RGS7: variants seen among roughly 807,000 people sequenced by gnomAD.
RGS7 encodes the protein regulator of G-protein signaling 7.
RGS7 carries 27 observed loss-of-function variants against 81.1 expected under a neutral mutation model. The observed-to-expected ratio is 0.33, with a 90% confidence interval of 0.25 to 0.46. RGS7 has a LOEUF of 0.46. Among genes scored for constraint, RGS7 ranks in the 20% least tolerant of loss-of-function variants. The pLI, the probability that RGS7 is intolerant of heterozygous loss-of-function variation, is 1.00. For synonymous variants in RGS7, 208 were observed against 207.7 expected, an observed-to-expected ratio of 1.00 and a Z score of -0.01; for missense variants, 396 against 607.4, an observed-to-expected ratio of 0.65 and a Z score of 3.66.
intron 2 of RGS7, among the ~76,000 whole-genome samples, chr1:241,145,102 C>T (rs1420680147): frequency 6.6e-6 from 1 of 151,690 alleles, no homozygotes; most frequent in African/African-American, 2.4e-5. Context: ...CTTCCACTTC[C>T]GCCTCCTCAG....
intron 2 of RGS7, among the ~76,000 whole-genome samples, chr1:241,107,533 G>A (rs968598481): frequency 6.6e-6 from 1 of 152,106 alleles, no homozygotes; most frequent in Non-Finnish European, 1.5e-5. Context: ...TCAAACTCCT[G>A]TAACATAATC....
intron 3 of RGS7, among the ~76,000 whole-genome samples, chr1:241,021,271 G>A (rs896411431): frequency 6.6e-6 from 1 of 152,062 alleles, no homozygotes; most frequent in Admixed American, 6.6e-5. Context: ...CTTATTCAGT[G>A]CATATGCAAG....
At chr1:241,005,343 C>T (rs2058630446) in intron 3 of RGS7, among the ~76,000 whole-genome samples, 1 of 152,128 alleles carries the variant, frequency 6.6e-6, no homozygotes. Flanking sequence ...CAAATGTATG[C>T]ACCACGTCGA....
chr1:241,192,447 T>G (rs1013658397), intron 2 of RGS7, among the ~76,000 whole-genome samples: 4 of 152,068 alleles, frequency 2.6e-5, no homozygotes, highest in African/African-American at 9.7e-5. Context: ...CTTTTCAGAG[T>G]CCTTTATGTA....
chr1:240,949,635 G>A (rs1052284298), intron 4 of RGS7, among the ~76,000 whole-genome samples: 1 of 152,044 alleles, frequency 6.6e-6, no homozygotes, highest in Non-Finnish European at 1.5e-5. Flanking sequence ...ATCACCCGAG[G>A]TCAGGAGTTT....
chr1:240,833,045 C>T (rs1375605212), intron 9 of RGS7, among the ~76,000 whole-genome samples: 3 of 151,062 alleles, frequency 2.0e-5, no homozygotes, highest in African/African-American at 7.3e-5. Context: ...AAGAAATTAA[C>T]AACAATAACT....
chr1:240,969,168 T>C (rs1322943325), intron 4 of RGS7, among the ~76,000 whole-genome samples: 1 of 152,256 alleles, frequency 6.6e-6, no homozygotes, highest in Non-Finnish European at 1.5e-5. Flanking sequence ...TTTTCTTTTC[T>C]TTTCTTTTCG....
intron 1 of RGS7, among the ~76,000 whole-genome samples, chr1:241,356,444 G>A (rs1370377288): frequency 1.3e-5 from 2 of 152,130 alleles, no homozygotes; most frequent in East Asian, 1.9e-4. Context: ...TCCCCACTTC[G>A]CTTCGGAAGT....
intron 2 of RGS7, among the ~76,000 whole-genome samples, chr1:241,173,750 T>C (rs920536981): frequency 2.6e-5 from 4 of 152,216 alleles, no homozygotes; most frequent in Non-Finnish European, 4.4e-5. Flanking sequence ...CATTGTACTC[T>C]AGCCTGGGCA....
intron 2 of RGS7, among the ~76,000 whole-genome samples, chr1:241,201,738 A>G (rs758840528): frequency 4.0e-4 from 61 of 152,086 alleles, no homozygotes; most frequent in Admixed American, 2.1e-3. Flanking sequence ...TTGAATCTTC[A>G]CAGCAACTTT....
At chr1:240,998,690 G>T in intron 3 of RGS7, 2 of 1,152,646 alleles carry the variant, frequency 1.7e-6, no homozygotes, top group Non-Finnish European at 2.6e-6. Flanking sequence ...CATTTACACC[G>T]GCTGCTTTAA....
At chr1:240,780,227 A>G (rs1163917905) in intron 18 of RGS7, among the ~76,000 whole-genome samples, 1 of 151,998 alleles carries the variant, frequency 6.6e-6, no homozygotes, top group African/African-American at 2.4e-5. Context: ...CGGGTGGATC[A>G]CTTGAGGCCA....
At chr1:240,840,975 A>G (rs1657853945) in intron 9 of RGS7, among the ~76,000 whole-genome samples, 1 of 152,176 alleles carries the variant, frequency 6.6e-6, no homozygotes, top group Non-Finnish European at 1.5e-5. Flanking sequence ...TGTGCTTGAG[A>G]ATGTTGGTAC....
chr1:241,176,058 A>G (rs1170023326), intron 2 of RGS7, among the ~76,000 whole-genome samples: 1 of 152,220 alleles, frequency 6.6e-6, no homozygotes, highest in East Asian at 1.9e-4. Context: ...CCACCTTTCT[A>G]TGAGAGGAGG....
chr1:240,900,656 C>T (rs1003970061), intron 6 of RGS7, among the ~76,000 whole-genome samples: 7 of 152,154 alleles, frequency 4.6e-5, no homozygotes, highest in Non-Finnish European at 8.8e-5. Context: ...CCTCTGGAAG[C>T]TTCATCTCAG....
At chr1:240,841,984 A>G (rs1658099447) in intron 9 of RGS7, among the ~76,000 whole-genome samples, 1 of 152,156 alleles carries the variant, frequency 6.6e-6, no homozygotes, top group Non-Finnish European at 1.5e-5. Context: ...CTCTTCTTTC[A>G]GAGCGAGTGC....
chr1:241,285,029 C>T (rs536275306), intron 2 of RGS7, among the ~76,000 whole-genome samples: 15 of 152,182 alleles, frequency 9.9e-5, no homozygotes, highest in African/African-American at 3.4e-4. Flanking sequence ...CACCACAATG[C>T]CCAGCTAATT....
At chr1:240,895,907 G>A (rs1669014045) in intron 6 of RGS7, among the ~76,000 whole-genome samples, 1 of 152,216 alleles carries the variant, frequency 6.6e-6, no homozygotes, top group African/African-American at 2.4e-5. Flanking sequence ...CCCACCAACA[G>A]TGTAAAAGTG....
chr1:241,327,122 G>GAA (rs1197656382), intron 2 of RGS7, among the ~76,000 whole-genome samples: 1 of 110,172 alleles, frequency 9.1e-6, no homozygotes, highest in African/African-American at 3.5e-5. Context: ...AAGAAAGAAA[G>GAA]AAAGAAAGAA....
Sources: gnomAD v4.1 joint callset for allele counts (sites outside exome capture counted in the v4.1 genomes callset) on GRCh38, gnomAD v4.1.1 for gene constraint, MANE v1.5 for transcripts, NCBI Gene and HGNC (gene_info 2026-07-23, HGNC 2026-07-21) for gene names.